TMCC3: variants seen among roughly 807,000 people sequenced by gnomAD.
TMCC3 encodes the protein transmembrane and coiled-coil domain family 3.
TMCC3 carries 28 observed loss-of-function variants against 40.2 expected under a neutral mutation model. The ratio of observed to expected loss-of-function variants is 0.70; its 90% confidence interval spans 0.52 to 0.95. The LOEUF (loss-of-function observed/expected upper bound fraction) is 0.95. Among genes scored for constraint, TMCC3 ranks in the 40% least tolerant of loss-of-function variants. The pLI is 0.00. For synonymous variants in TMCC3, 255 were observed against 248.5 expected (o/e 1.03, Z -0.25); for missense variants, 554 against 615.2 (o/e 0.90, Z 1.05).
rs200168281 is a variant in TMCC3 at position 94,571,418 on chromosome 12, G to C, written c.*17C>G. On this transcript the variant is annotated 3_prime_UTR_variant, in exon 4 of 4. Transcript: ENST00000261226. ...AAATAAAAACTTGAAAGAACTTGAA[G>C]GCAGGAACCAGTGGCTTCATCTTGG... 257 of 1,603,318 alleles carry C rather than the reference G, an allele frequency of 1.6e-4. 2 individuals carry two copies. In the South Asian group the frequency reaches 2.7e-3, roughly 17 times the overall value.
rs78259288 is a variant in TMCC3, at chr12:94,593,649, C to T, written c.79-11111G>A. Among the ~76,000 whole-genome samples the T allele has an allele frequency of 4.2e-3, 645 of 151,888 alleles. 8 individuals are homozygous for T. The highest frequency in any genetic ancestry group is 0.014 in the African/African-American group (594 of 41,386). The stretch of plus-strand genomic sequence containing the variant: ...TGTTTAAGATTCTGAAAAACAAATT[C>T]TTCAAGCATCCTCAAGCACTCACAA... On this transcript the variant is annotated intron_variant, in intron 1 of 3. Coordinates refer to ENST00000261226, the MANE Select transcript of TMCC3 (RefSeq NM_020698.4).
chr12:94,604,074 G>T (rs952616744), intron 1 of TMCC3, among the ~76,000 whole-genome samples: 2 of 152,148 alleles, frequency 1.3e-5, no homozygotes, highest in Non-Finnish European at 2.9e-5. Flanking sequence ...AAATCCACAC[G>T]TGTACTACTA....
chr12:94,616,107 A>C, intron 1 of TMCC3: 1 of 985,380 alleles, frequency 1.0e-6, no homozygotes, highest in Non-Finnish European at 1.2e-6. Flanking sequence ...TTTGTCTCAG[A>C]GAAACTCCAC....
At chr12:94,577,811 T>A (rs745588536) in intron 3 of TMCC3, among the ~76,000 whole-genome samples, 7 of 152,090 alleles carry the variant, frequency 4.6e-5, no homozygotes, top group Non-Finnish European at 7.4e-5. Flanking sequence ...TTGAGGTGGA[T>A]AATAAATACT....
intron 1 of TMCC3, among the ~76,000 whole-genome samples, chr12:94,648,482 C>T (rs1229098346): frequency 6.6e-6 from 1 of 152,214 alleles, no homozygotes; most frequent in Non-Finnish European, 1.5e-5. Flanking sequence ...ATCTCGGCCT[C>T]TCAAAGTGGT....
intron 1 of TMCC3, among the ~76,000 whole-genome samples, chr12:94,641,393 T>A (rs1209994646): frequency 6.6e-6 from 1 of 151,926 alleles, no homozygotes; most frequent in Non-Finnish European, 1.5e-5. Context: ...AAGAGGTAGG[T>A]GGAAGTGTCT....
intron 1 of TMCC3, among the ~76,000 whole-genome samples, chr12:94,604,525 GC>G (rs1219062519): frequency 1.3e-5 from 2 of 151,698 alleles, no homozygotes; most frequent in East Asian, 3.9e-4. Flanking sequence ...ATGTAACAAG[GC>G]CAGGCACAGT....
At chr12:94,626,834 TTG>T (rs2138872926) in intron 1 of TMCC3, among the ~76,000 whole-genome samples, 1 of 152,270 alleles carries the variant, frequency 6.6e-6, no homozygotes, top group African/African-American at 2.4e-5. Flanking sequence ...TACACTTAAT[TTG>T]TTTTTGTTGT....
At chr12:94,606,354 G>C (rs1313422336) in intron 1 of TMCC3, among the ~76,000 whole-genome samples, 1 of 146,504 alleles carries the variant, frequency 6.8e-6, no homozygotes, top group African/African-American at 2.5e-5. Flanking sequence ...GAAAGGAGGT[G>C]AACTTTTTTC....
At chr12:94,603,587 G>A (rs1408854954) in intron 1 of TMCC3, among the ~76,000 whole-genome samples, 1 of 152,176 alleles carries the variant, frequency 6.6e-6, no homozygotes, top group Non-Finnish European at 1.5e-5. Flanking sequence ...AGCGTGCTGC[G>A]GAGGTGAGAA....
At chr12:94,573,816 C>T (rs1487145299) in intron 3 of TMCC3, among the ~76,000 whole-genome samples, 1 of 125,300 alleles carries the variant, frequency 8.0e-6, no homozygotes, top group Non-Finnish European at 1.8e-5. Flanking sequence ...CATGTGCCTC[C>T]CCCACTCCAT....
chr12:94,582,981 TTTTTTTTTTTTTTAA>T (rs60547282), intron 1 of TMCC3, among the ~76,000 whole-genome samples: 55,042 of 129,562 alleles, frequency 0.42, 10,890 homozygotes, highest in African/African-American at 0.55. Context: ...TTTTTTTTTT[TTTTTTTTTTTTTTAA>T]AAAAGAAAGA....
chr12:94,625,471 G>C (rs534895198), intron 1 of TMCC3, among the ~76,000 whole-genome samples: 13 of 151,534 alleles, frequency 8.6e-5, no homozygotes, highest in African/African-American at 3.2e-4. Context: ...GTGCACGCTT[G>C]TAGTCCCAAA....
intron 1 of TMCC3, among the ~76,000 whole-genome samples, chr12:94,587,407 T>C (rs2068644717): frequency 6.6e-6 from 1 of 152,226 alleles, no homozygotes; most frequent in African/African-American, 2.4e-5. Flanking sequence ...CTATCATTAC[T>C]GTGAGACAGT....
intron 1 of TMCC3, chr12:94,598,934 A>G (rs745388849): frequency 1.3e-5 from 3 of 228,890 alleles, no homozygotes; most frequent in African/African-American, 2.3e-5. Flanking sequence ...ACAGACTTCC[A>G]GGACCCACTC....
chr12:94,611,798 G>C (rs1019476591), intron 1 of TMCC3, among the ~76,000 whole-genome samples: 1 of 151,230 alleles, frequency 6.6e-6, no homozygotes, highest in East Asian at 1.9e-4. Flanking sequence ...TACCTGTTCA[G>C]TACAGATGCA....
chr12:94,631,795 C>A (rs1594296405), intron 1 of TMCC3, among the ~76,000 whole-genome samples: 4 of 152,148 alleles, frequency 2.6e-5, no homozygotes, highest in African/African-American at 7.2e-5. Flanking sequence ...AACAGGATTA[C>A]AAACTAACCT....
intron 1 of TMCC3, among the ~76,000 whole-genome samples, chr12:94,626,080 C>T (rs920874827): frequency 6.6e-6 from 1 of 152,102 alleles, no homozygotes; most frequent in Non-Finnish European, 1.5e-5. Context: ...GAAGCAGGCA[C>T]GTCTTACATG....
intron 1 of TMCC3, 143 bp from the exon 2 acceptor site, chr12:94,582,681 T>C: frequency 1.4e-6 from 1 of 717,138 alleles, no homozygotes; most frequent in East Asian, 2.7e-5. Context: ...CCCCCTGCTG[T>C]CCCCTCCAGT....
Sources: gnomAD v4.1 joint callset for allele counts (sites outside exome capture counted in the v4.1 genomes callset) on GRCh38, gnomAD v4.1.1 for gene constraint, MANE v1.5 for transcripts, NCBI Gene and HGNC (gene_info 2026-07-23, HGNC 2026-07-21) for gene names.